Variants in PLEK observed in about 807,000 individuals in gnomAD.
PLEK encodes pleckstrin.
Under a neutral mutation model 43.9 loss-of-function variants are expected in PLEK, and 25 were observed. The ratio of observed to expected loss-of-function variants is 0.57; its 90% confidence interval spans 0.41 to 0.79. The LOEUF is 0.79. PLEK is among the 30% of genes least tolerant of loss of function. PLEK has a pLI of 0.00. For missense variants in PLEK, 396 were observed against 413.3 expected (o/e 0.96, Z 0.36); for synonymous variants, 152 against 144.4 (o/e 1.05, Z -0.38).
intron 1 of PLEK, among the ~76,000 whole-genome samples, chr2:68,378,728 C>T (rs1406093201): frequency 6.6e-6 from 1 of 152,198 alleles, no homozygotes; most frequent in East Asian, 1.9e-4. Context: ...CAAATTATTT[C>T]ATTTCATATG....
chr2:68,376,905 C>A (rs777201406), intron 1 of PLEK, among the ~76,000 whole-genome samples: 1 of 152,170 alleles, frequency 6.6e-6, no homozygotes, highest in Non-Finnish European at 1.5e-5. Context: ...ACCATCCCCA[C>A]CTCCCTGCAG....
chr2:68,365,612 G>T, intron 1 of PLEK: 1 of 499,460 alleles, frequency 2.0e-6, no homozygotes, highest in Non-Finnish European at 3.7e-6. Context: ...TTACGGGTCT[G>T]AGAATTCCAG....
intron 4 of PLEK, among the ~76,000 whole-genome samples, chr2:68,383,754 T>TA (rs1673680146): frequency 6.6e-6 from 1 of 152,176 alleles, no homozygotes. Flanking sequence ...TCTGAGCTGA[T>TA]ACAGCAAATG....
At chr2:68,374,099 A>G (rs1031118) in intron 1 of PLEK, among the ~76,000 whole-genome samples, 80,173 of 152,026 alleles carry the variant, frequency 0.53, 22,691 homozygotes, top group East Asian at 0.76. Context: ...GAATTTCTGT[A>G]TAAATAAACA....
chr2:68,395,913 C>A lies in PLEK; in HGVS notation c.*97C>A. On this transcript the variant is annotated 3_prime_UTR_variant, in exon 9 of 9. Transcript: ENST00000234313. The stretch of plus-strand genomic sequence containing the variant: ...TCTGTGACAAATCAACGGGAAACAG[C>A]CCAGGGGTGGGAAGTTTTCATTTGC... The A allele has an allele frequency of 8.9e-7, 1 of 1,118,320 alleles. No individual in the cohort carries two copies. Among genetic ancestry groups the A allele is most frequent in the South Asian group, 1.3e-5 (1 of 76,274 alleles). 69.3% of individuals were successfully genotyped at this position (1,118,320 alleles called of 1,614,324 possible). A position where few individuals can be genotyped will look rare whatever the true frequency, so the allele number is the denominator to read the frequency against.
chr2:68,383,123 C>A (rs1167807679), intron 4 of PLEK, among the ~76,000 whole-genome samples: 3 of 152,202 alleles, frequency 2.0e-5, no homozygotes, highest in Admixed American at 2.0e-4. Flanking sequence ...GGTTCAAATT[C>A]TGGCTCTGCA....
chr2:68,375,313 G>A (rs1333840189), intron 1 of PLEK, among the ~76,000 whole-genome samples: 2 of 152,138 alleles, frequency 1.3e-5, no homozygotes, highest in Admixed American at 1.3e-4. Context: ...TTTTTCATAA[G>A]CATTTGGATG....
intron 5 of PLEK, 91 bp from the exon 6 acceptor site, chr2:68,388,296 T>C: frequency 1.3e-6 from 1 of 750,980 alleles, no homozygotes; most frequent in Middle Eastern, 2.6e-4. Context: ...GAGGCTGCCC[T>C]CATGGCTGGA....
rs1368952374 is a variant in PLEK, at chr2:68,395,649, G to A, written c.917-31G>A. ...AGCAAGTGGTCTTTCTGATGCCTGT[G>A]CGTGCTGCCATTTGCCTTCTCTTTC... On this transcript the variant is annotated intron_variant, in intron 8 of 8. Coordinates refer to ENST00000234313, the MANE Select transcript of PLEK (RefSeq NM_002664.3). The A allele has an allele frequency of 3.7e-6, 6 of 1,613,584 alleles. No homozygotes were observed. In the Admixed American group the frequency reaches 1.0e-4, roughly 27 times the overall value.
intron 1 of PLEK, among the ~76,000 whole-genome samples, chr2:68,367,893 T>G (rs1314476189): frequency 2.0e-5 from 3 of 152,210 alleles, no homozygotes; most frequent in Non-Finnish European, 4.4e-5. Flanking sequence ...CTTATGCAGT[T>G]CAAGATACCT....
intron 4 of PLEK, among the ~76,000 whole-genome samples, chr2:68,384,007 A>C (rs949059582): frequency 6.6e-6 from 1 of 152,152 alleles, no homozygotes; most frequent in African/African-American, 2.4e-5. Context: ...TCCCAACTCT[A>C]TCAGGACCGA....
chr2:68,367,803 T>C (rs979690203), intron 1 of PLEK, among the ~76,000 whole-genome samples: 1 of 152,182 alleles, frequency 6.6e-6, no homozygotes, highest in Admixed American at 6.5e-5. Flanking sequence ...TTGAAAAGGC[T>C]CTTAGAAGCC....
chr2:68,392,303 A>G lies in PLEK; in HGVS notation c.763-859A>G, dbSNP rs545624421. Among the ~76,000 whole-genome samples the G allele has an allele frequency of 1.2e-3, 187 of 150,738 alleles. 1 individual carries two copies. Among genetic ancestry groups the G allele is most frequent in the African/African-American group, 4.5e-3 (180 of 40,262 alleles). On this transcript the variant is annotated intron_variant, in intron 6 of 8. Transcript: ENST00000234313. The stretch of plus-strand genomic sequence containing the variant: ...CTAAGGTTTAGTTCCTAATGATTTT[A>G]TGCCTGGATTATTGTGATCCTTCCC...
chr2:68,393,489 T>C (rs1444524596), intron 7 of PLEK, among the ~76,000 whole-genome samples: 3 of 152,184 alleles, frequency 2.0e-5, no homozygotes, highest in African/African-American at 7.2e-5. Flanking sequence ...TATAATTTAT[T>C]TGGTCAACTC....
At chr2:68,382,505 T>G (rs767884195) in intron 3 of PLEK, 37 bp from the exon 4 acceptor site, 1 of 1,203,898 alleles carries the variant, frequency 8.3e-7, no homozygotes, top group Non-Finnish European at 1.2e-6. Context: ...GGTTTTTTTT[T>G]GTTTGTTTGT....
chr2:68,376,592 A>G (rs1673506091), intron 1 of PLEK, among the ~76,000 whole-genome samples: 1 of 128,008 alleles, frequency 7.8e-6, no homozygotes, highest in South Asian at 2.6e-4. Context: ...ATCTATTAAT[A>G]ATGTGATCTT....
At chr2:68,375,009 C>T (rs1016079184) in intron 1 of PLEK, among the ~76,000 whole-genome samples, 3 of 152,122 alleles carry the variant, frequency 2.0e-5, no homozygotes, top group African/African-American at 7.2e-5. Context: ...CTTGATGAAA[C>T]CTTTATGACA....
chr2:68,382,715 G>A, intron 4 of PLEK, 82 bp downstream of exon 4: 2 of 775,212 alleles, frequency 2.6e-6, no homozygotes, highest in Admixed American at 3.9e-5. Flanking sequence ...TGAGGTGGGG[G>A]TATGAAGTAT....
chr2:68,380,892 C>A lies in PLEK; in HGVS notation c.368C>A (p.Thr123Asn), dbSNP rs756219375. 1.4e-5 allele frequency: 22 copies of A among 1,613,346 alleles called. No homozygotes were observed. In the Admixed American group the frequency reaches 3.0e-4, roughly 22 times the overall value. ...STRRSIRLPE[T>N]IDLGALYLSM... ...AGGAGGTCCATTCGACTGCCAGAAA[C>A]CATTGACTTAGGGTGATTTTCTGTG... Residue 123 changes from threonine to asparagine, a missense_variant, in exon 3 of 9, where the codon ACC becomes AAC. Transcript: ENST00000234313.
Sources: gnomAD v4.1 joint callset for allele counts (sites outside exome capture counted in the v4.1 genomes callset) on GRCh38, gnomAD v4.1.1 for gene constraint, MANE v1.5 for transcripts, NCBI Gene and HGNC (gene_info 2026-07-23, HGNC 2026-07-21) for gene names.